Variants in NCKAP1 observed in about 807,000 individuals in gnomAD.
The protein encoded by NCKAP1 is NCK associated protein 1.
A neutral mutation model predicts 151.2 loss-of-function variants in NCKAP1; 21 were observed. That is an observed-to-expected ratio of 0.14 (90% CI 0.10 to 0.20). The LOEUF is 0.20. NCKAP1 is among the 10% of genes least tolerant of loss of function. The pLI is 1.00. For missense variants in NCKAP1, 933 were observed against 1,352.1 expected (o/e 0.69, Z 4.86); for synonymous variants, 484 against 451.8 (o/e 1.07, Z -0.90).
intron 8 of NCKAP1, among the ~76,000 whole-genome samples, chr2:182,993,297 T>C (rs1242606685): frequency 6.6e-6 from 1 of 152,172 alleles, no homozygotes; most frequent in African/African-American, 2.4e-5. Context: ...CTTTGTGAAA[T>C]TTTTTCCCGT....
At chr2:183,009,455 GAAGGAAGGAAGGAAGGAAGGAAGC>G (rs890791730) in intron 2 of NCKAP1, among the ~76,000 whole-genome samples, 7 of 145,344 alleles carry the variant, frequency 4.8e-5, no homozygotes, top group Non-Finnish European at 7.6e-5. Context: ...AGGAAGGAAG[GAAGGAAGGAAGGAAGGAAGGAAGC>G]AAGCAAGCAA....
At chr2:182,962,489 G>C (rs1370911582) in intron 17 of NCKAP1, among the ~76,000 whole-genome samples, 1 of 152,092 alleles carries the variant, frequency 6.6e-6, no homozygotes, top group East Asian at 1.9e-4. Context: ...GATTGTGAAA[G>C]CAATGTATAA....
In NCKAP1 at chr2:182,914,595, G is replaced by A. The variant is rs1307238788; in HGVS notation, c.*11107C>T. ...TTTGAGGACACTCTGCATTTTAGAA[G>A]TGCCACAATAGCATATTCTCTCCTT... On this transcript the variant is annotated 3_prime_UTR_variant, in exon 31 of 31. Transcript: ENST00000361354. 7.2e-5 allele frequency: 11 copies of A among 152,154 alleles called. No homozygotes were observed. The highest frequency in any genetic ancestry group is 7.2e-4 in the Admixed American group (11 of 15,278). 9.4% of individuals were successfully genotyped at this position (152,154 alleles called of 1,614,324 possible).
chr2:183,002,340 T>C (rs985491043), intron 4 of NCKAP1, 71 bp from the exon 5 acceptor site: 34 of 1,067,886 alleles, frequency 3.2e-5, no homozygotes, highest in African/African-American at 8.0e-5. Context: ...AAAATCTTCA[T>C]AGAAGCTATT....
chr2:182,994,766 C>T (rs890320036), intron 8 of NCKAP1, 73 bp downstream of exon 8: 87 of 1,232,474 alleles, frequency 7.1e-5, no homozygotes, highest in Admixed American at 2.5e-4. Flanking sequence ...GAGGTAGTAA[C>T]CATGTCACCT....
chr2:182,988,840 T>A (rs1162615541), intron 9 of NCKAP1, among the ~76,000 whole-genome samples, 190 bp downstream of exon 9: 2 of 152,130 alleles, frequency 1.3e-5, no homozygotes, highest in Admixed American at 6.5e-5. Context: ...ATATGTGAAG[T>A]TACCTGTAAA....
chr2:182,925,712 G>A lies in NCKAP1; in HGVS notation c.3377C>T (p.Ser1126Phe). 1 of 1,547,860 alleles carries A rather than the reference G, an allele frequency of 6.5e-7. No homozygotes were observed. The change falls in exon 31 of 31, where the codon TCT becomes TTT. Residue 1126 changes from serine (S) to phenylalanine (F), a missense_variant. This residue lies in a region of NCKAP1 where 326 missense variants were observed against 557.1 expected (regional missense o/e 0.59). Transcript: ENST00000361354. Reference sequence around the variant, plus strand: ...ATTAAGTAGGTAATTTTATGCAGAAGATGTAACACTTTGTTTGTAGACAGC... The same window carrying A: ...ATTAAGTAGGTAATTTTATGCAGAAAATGTAACACTTTGTTTGTAGACAGC... ...YHAVYKQSVT[S>F]SA
At chr2:182,972,145 G>A (rs1392815892) in intron 15 of NCKAP1, among the ~76,000 whole-genome samples, 2 of 140,096 alleles carry the variant, frequency 1.4e-5, no homozygotes, top group African/African-American at 5.3e-5. Flanking sequence ...CCTATAGAAT[G>A]AGAGAAAATA....
At chr2:182,951,397 G>A (rs1018863494) in intron 23 of NCKAP1, among the ~76,000 whole-genome samples, 16 of 151,410 alleles carry the variant, frequency 1.1e-4, no homozygotes, top group Non-Finnish European at 1.3e-4. Flanking sequence ...GGCCAGGCAC[G>A]GTGGCTCATG....
chr2:182,975,831 C>T (rs544468894), intron 15 of NCKAP1, among the ~76,000 whole-genome samples: 19 of 152,200 alleles, frequency 1.2e-4, no homozygotes, highest in African/African-American at 3.9e-4. Context: ...CCTGAACATA[C>T]GAGCCTGAGG....
At position 182,956,518 on chromosome 2, in the gene NCKAP1, T is replaced by G; in HGVS notation, c.2097A>C (p.Glu699Asp). The change falls in exon 20 of 31, where the codon GAA (glutamate) becomes GAC (aspartate). Residue 699 changes from glutamate (E) to aspartate (D), a missense_variant. Glu to Asp is a conservative substitution (Grantham distance 45). Transcript: ENST00000361354. ...INYVPNMVVWEHTFTPREYLT... is the reference protein window; with the variant it reads ...INYVPNMVVWDHTFTPREYLT... ...AATATTCTCGTGGGGTAAAGGTATG[T>G]TCCCATACCACCATGTTTGGTACAT... is the stretch of plus-strand genomic sequence containing the variant. 1 of 1,609,802 alleles carries G rather than the reference T, an allele frequency of 6.2e-7. No homozygotes were observed. The highest frequency in any genetic ancestry group is 8.5e-7 in the Non-Finnish European group (1 of 1,176,948).
chr2:183,028,865 G>A (rs1284099852), intron 1 of NCKAP1, among the ~76,000 whole-genome samples: 1 of 151,902 alleles, frequency 6.6e-6, no homozygotes. Flanking sequence ...TGTAATCCCA[G>A]CACTTTGGGA....
chr2:182,939,961 C>T (rs375313979), intron 24 of NCKAP1, among the ~76,000 whole-genome samples: 47 of 152,202 alleles, frequency 3.1e-4, no homozygotes, highest in African/African-American at 1.1e-3. Context: ...TAATGAGTCA[C>T]CATTAATTAT....
At chr2:182,981,467 A>T in intron 12 of NCKAP1, 91 bp from the exon 13 acceptor site, 1 of 1,027,412 alleles carries the variant, frequency 9.7e-7, no homozygotes, top group Non-Finnish European at 1.4e-6. Flanking sequence ...TTCTAAAAGT[A>T]TTTTTCTTAT....
At chr2:183,023,225 G>A (rs1166082504) in intron 2 of NCKAP1, among the ~76,000 whole-genome samples, 6 of 152,032 alleles carry the variant, frequency 3.9e-5, no homozygotes, top group Admixed American at 3.9e-4. Context: ...ATAAAGATAT[G>A]TAAACATATC....
chr2:182,967,356 A>G lies in NCKAP1; in HGVS notation c.1488T>C (p.Tyr496=), dbSNP rs572964471. 1.3e-5 allele frequency: 20 copies of G among 1,599,818 alleles called. No homozygotes were observed. In the East Asian group the frequency reaches 2.0e-4, roughly 16 times the overall value. ...CAAGTGAAGCCTTTGAGACACTAGT[A>G]TATGCCTATAAAGTACAAAAAAAAA... is the stretch of plus-strand genomic sequence containing the variant. ...MRLDWFRLQA[Y]TSVSKASLGL... Residue 496 remains tyrosine, a synonymous_variant, in exon 16 of 31, where the codon TAT becomes TAC. Coordinates refer to ENST00000361354, the MANE Select transcript of NCKAP1 (RefSeq NM_013436.5).
At position 183,002,894 on chromosome 2, in the gene NCKAP1, C is replaced by G. The variant is rs1575059092; in HGVS notation, c.369+80G>C. The stretch of plus-strand genomic sequence containing the variant: ...AAACTTTATATGCTAGTTACATAAT[C>G]TAGCTAAAGAAAAGCAAGTGGTCCC... On this transcript the variant is annotated intron_variant, in intron 4 of 30. Transcript: ENST00000361354. The G allele has an allele frequency of 8.2e-6, 8 of 980,152 alleles. No homozygotes were observed. The East Asian group carries it at 1.7e-4, about 21-fold the overall frequency. 60.7% of individuals were successfully genotyped at this position (980,152 alleles called of 1,614,324 possible).
At chr2:183,022,172 C>T (rs921237808) in intron 2 of NCKAP1, among the ~76,000 whole-genome samples, 1 of 152,200 alleles carries the variant, frequency 6.6e-6, no homozygotes, top group South Asian at 2.1e-4. Flanking sequence ...TATTAAGGAA[C>T]GATGCATATT....
rs142014042 is a variant in NCKAP1 at position 183,032,594 on chromosome 2, A to G, written c.108+5398T>C. 2.0e-5 allele frequency among the ~76,000 whole-genome samples: 3 copies of G among 152,318 alleles called. No individual in the cohort carries two copies. The East Asian group carries it at 5.8e-4, about 29-fold the overall frequency. ...AAACATAAAAAAAAACAGTAAGAAT[A>G]CAGTGTTATCTTATGGGACTACTGT... On this transcript the variant is annotated intron_variant, in intron 1 of 30. Transcript: ENST00000361354.
Sources: allele counts gnomAD v4.1 joint callset (sites outside exome capture counted in the v4.1 genomes callset), GRCh38; gene constraint gnomAD v4.1.1; regional missense constraint gnomAD v4.1.1; transcripts MANE v1.5; gene names NCBI Gene and HGNC (gene_info 2026-07-23, HGNC 2026-07-21).